Variants in FAM174B observed in about 807,000 individuals in gnomAD.
FAM174B encodes the protein family with sequence similarity 174 member B.
FAM174B carries 12 observed loss-of-function variants against 10.9 expected under a neutral mutation model. The observed-to-expected ratio is 1.10, with a 90% CI of 0.71 to 1.79. FAM174B has a LOEUF of 1.79. FAM174B is among the 40% of genes most tolerant of loss of function. The pLI is 0.00. For missense variants in FAM174B, 266 were observed against 233.3 expected (o/e 1.14, Z -0.91); for synonymous variants, 132 against 115.8 (o/e 1.14, Z -0.90).
chr15:92,617,523 C>T lies in FAM174B; in HGVS notation c.*1933G>A, dbSNP rs2050686667. On this transcript the variant is annotated 3_prime_UTR_variant, in exon 3 of 3. Transcript: ENST00000327355. ...CAAGGATTTGGAAGGTCACTTTCAG[C>T]AGCCGCCATTTCTGCCAGGACCAGT... 2 of 503,404 alleles carry T rather than the reference C, an allele frequency of 4.0e-6. No homozygotes were observed. The highest frequency in any genetic ancestry group is 7.0e-6 in the Non-Finnish European group (2 of 287,734). The allele number at this position is 503,404 out of a possible 1,614,324, so 31.2% of individuals were successfully genotyped here.
At chr15:92,649,163 A>G (rs1423180079) in intron 1 of FAM174B, among the ~76,000 whole-genome samples, 4 of 152,252 alleles carry the variant, frequency 2.6e-5, no homozygotes, top group African/African-American at 9.6e-5. Context: ...CACAAAGCCT[A>G]CATGGGCATG....
Position 92,630,265 on chromosome 15 carries a change from T to C in FAM174B, c.425A>G (p.Asn142Ser), listed in dbSNP as rs1368329785. The C allele has an allele frequency of 6.2e-7, 1 of 1,613,644 alleles. No homozygotes were observed. The highest frequency in any genetic ancestry group is 1.7e-5 in the Admixed American group (1 of 59,990). ...PAERVEMAPLNEEDDEDEDST... is the reference protein window; with the variant it reads ...PAERVEMAPLSEEDDEDEDST... ...GTCCTCATCTTCATCATCCTCTTCA[T>C]TTAGTGGCGCCATTTCCACTCGCTC... is the stretch of plus-strand genomic sequence containing the variant. The change falls in exon 2 of 3, where the codon AAT becomes AGT. Residue 142 changes from asparagine (N) to serine (S), a missense_variant. Physicochemically the swap from Asn to Ser is conservative, Grantham distance 46. Transcript: ENST00000327355.
intron 1 of FAM174B, among the ~76,000 whole-genome samples, chr15:92,648,557 T>C (rs562449979): frequency 1.2e-4 from 18 of 152,114 alleles, no homozygotes; most frequent in African/African-American, 4.3e-4. Context: ...AGCCCCTAGG[T>C]TTAAGTCCTA....
At chr15:92,627,236 G>C (rs527366463) in intron 2 of FAM174B, 1 of 153,648 alleles carries the variant, frequency 6.5e-6, no homozygotes, top group African/African-American at 2.4e-5. Context: ...AGCCAACCTG[G>C]ACTTTCAAAA....
At chr15:92,639,644 T>C (rs1161904563) in intron 1 of FAM174B, among the ~76,000 whole-genome samples, 3 of 152,154 alleles carry the variant, frequency 2.0e-5, no homozygotes, top group East Asian at 3.8e-4. Context: ...GACTGGATCA[T>C]GGGGGTGGGC....
At chr15:92,655,286 C>CG in intron 1 of FAM174B, 30 bp downstream of exon 1, 1 of 1,504,284 alleles carries the variant, frequency 6.6e-7, no homozygotes, top group Non-Finnish European at 8.9e-7. Flanking sequence ...TGTCGGCCGG[C>CG]GGGGGAAGGA....
intron 1 of FAM174B, among the ~76,000 whole-genome samples, chr15:92,647,820 C>T (rs939510568): frequency 2.0e-5 from 3 of 152,122 alleles, no homozygotes; most frequent in African/African-American, 7.2e-5. Flanking sequence ...GCAGCTAGGC[C>T]TTTGGTGGAT....
intron 1 of FAM174B, among the ~76,000 whole-genome samples, chr15:92,631,469 A>G (rs142011165): frequency 3.8e-5 from 2 of 53,324 alleles, no homozygotes; most frequent in Non-Finnish European, 6.4e-5. Flanking sequence ...TATTATATAT[A>G]ATTTATAATA....
chr15:92,620,890 T>C (rs1337343494), intron 2 of FAM174B, among the ~76,000 whole-genome samples: 1 of 151,404 alleles, frequency 6.6e-6, no homozygotes, highest in East Asian at 1.9e-4. Flanking sequence ...GAGGGAAAAT[T>C]TGACCAGTTA....
At chr15:92,654,894 GC>G (rs1443862452) in intron 1 of FAM174B, among the ~76,000 whole-genome samples, 3 of 152,018 alleles carry the variant, frequency 2.0e-5, no homozygotes, top group African/African-American at 7.2e-5. Context: ...AGTTAGACAG[GC>G]CTGGGTTCAA....
intron 2 of FAM174B, among the ~76,000 whole-genome samples, chr15:92,621,731 T>C (rs2050720753): frequency 6.6e-6 from 1 of 152,132 alleles, no homozygotes; most frequent in South Asian, 2.1e-4. Flanking sequence ...AGGCTGGCTT[T>C]CTTCAAGTGA....
At chr15:92,640,541 G>A (rs2050883658) in intron 1 of FAM174B, among the ~76,000 whole-genome samples, 1 of 84,606 alleles carries the variant, frequency 1.2e-5, no homozygotes, top group East Asian at 4.2e-4. Context: ...GACAAAGTGA[G>A]ACTCCATCTC....
intron 1 of FAM174B, among the ~76,000 whole-genome samples, chr15:92,646,626 T>G (rs2050929748): frequency 6.6e-6 from 1 of 152,200 alleles, no homozygotes; most frequent in African/African-American, 2.4e-5. Flanking sequence ...CCTTTTGGAT[T>G]TATTGATAGA....
At position 92,619,352 on chromosome 15, in the gene FAM174B, T is replaced by G. The variant is rs1318739805; in HGVS notation, c.*104A>C. On this transcript the variant is annotated 3_prime_UTR_variant, in exon 3 of 3. Transcript: ENST00000327355. ...GTTTTATACATAACGTTCGTTTTGG[T>G]TTCAACACCTCCGACGCAAGAGGGC... 1.4e-6 allele frequency: 2 copies of G among 1,404,706 alleles called. No homozygotes were observed. Among genetic ancestry groups the G allele is most frequent in the Non-Finnish European group, 2.0e-6 (2 of 993,098 alleles). 87.0% of individuals were successfully genotyped at this position (1,404,706 alleles called of 1,614,324 possible). A position where few individuals can be genotyped will look rare whatever the true frequency, so the allele number is the denominator to read the frequency against.
At chr15:92,623,751 G>T (rs1228142655) in intron 2 of FAM174B, among the ~76,000 whole-genome samples, 1 of 152,214 alleles carries the variant, frequency 6.6e-6, no homozygotes, top group Non-Finnish European at 1.5e-5. Flanking sequence ...GAGGGAGGAG[G>T]CCTGGCCTGT....
intron 2 of FAM174B, 56 bp downstream of exon 2, chr15:92,630,158 G>C (rs565641479): frequency 2.1e-5 from 34 of 1,591,644 alleles, no homozygotes; most frequent in Non-Finnish European, 2.8e-5. Context: ...TGACCTCGAG[G>C]TCCCACCAAC....
At chr15:92,647,786 C>G (rs1400743943) in intron 1 of FAM174B, among the ~76,000 whole-genome samples, 1 of 152,140 alleles carries the variant, frequency 6.6e-6, no homozygotes, top group African/African-American at 2.4e-5. Context: ...AAAATTTTTG[C>G]ATCTATAGAG....
chr15:92,640,389 C>G (rs556957408), intron 1 of FAM174B, among the ~76,000 whole-genome samples: 64 of 151,220 alleles, frequency 4.2e-4, no homozygotes, highest in African/African-American at 1.4e-3. Context: ...CCATCTCTAC[C>G]AAAAATACAA....
chr15:92,647,157 G>A (rs1231714907), intron 1 of FAM174B, among the ~76,000 whole-genome samples: 1 of 152,174 alleles, frequency 6.6e-6, no homozygotes, highest in Non-Finnish European at 1.5e-5. Flanking sequence ...ATAAATACTA[G>A]TTGCTATTAT....
Sources: gnomAD v4.1 joint callset for allele counts (sites outside exome capture counted in the v4.1 genomes callset) on GRCh38, gnomAD v4.1.1 for gene constraint, MANE v1.5 for transcripts, NCBI Gene and HGNC (gene_info 2026-07-23, HGNC 2026-07-21) for gene names.